FER: variants seen among roughly 807,000 people sequenced by gnomAD.
FER encodes FER tyrosine kinase, also known as tyrosine-protein kinase Fer.
FER carries 63 observed loss-of-function variants against 111.0 expected under a neutral mutation model. That is an observed-to-expected ratio of 0.57 (90% CI 0.46 to 0.70). The LOEUF (loss-of-function observed/expected upper bound fraction) is 0.70, where lower values mean the gene tolerates loss of function less well. Ranked by LOEUF, FER falls within the 30% of genes least tolerant of loss-of-function variation. The pLI is 0.00. For synonymous variants in FER, 327 were observed against 313.9 expected (o/e 1.04, Z -0.44); for missense variants, 914 against 954.0 (o/e 0.96, Z 0.55).
intron 7 of FER, 94 bp downstream of exon 7, chr5:108,871,596 GATCTTATTAAGACATAGAA>G: frequency 1.1e-6 from 1 of 897,578 alleles, no homozygotes; most frequent in Non-Finnish European, 1.6e-6. Context: ...AAATACTTAA[GATCTTATTAAGACATAGAA>G]TATTTCATAT....
chr5:109,135,224 T>C (rs1466247304), intron 17 of FER, among the ~76,000 whole-genome samples: 2 of 152,240 alleles, frequency 1.3e-5, no homozygotes, highest in Non-Finnish European at 2.9e-5. Flanking sequence ...CAGCATTTAC[T>C]GTACCACACA....
chr5:109,077,175 T>G (rs1261183242), intron 16 of FER, among the ~76,000 whole-genome samples: 1 of 152,122 alleles, frequency 6.6e-6, no homozygotes, highest in Non-Finnish European at 1.5e-5. Context: ...AAATGAAAAA[T>G]GTTGAGGCAC....
intron 1 of FER, among the ~76,000 whole-genome samples, chr5:108,760,295 C>T (rs1751586483): frequency 6.6e-6 from 1 of 151,726 alleles, no homozygotes; most frequent in African/African-American, 2.4e-5. Flanking sequence ...GATTTAGTAT[C>T]ATTCTTATGG....
At chr5:108,947,750 A>G (rs1209542053) in intron 11 of FER, among the ~76,000 whole-genome samples, 1 of 151,812 alleles carries the variant, frequency 6.6e-6, no homozygotes, top group African/African-American at 2.4e-5. Flanking sequence ...AAATCGTCTA[A>G]TCCAAGATTA....
intron 16 of FER, among the ~76,000 whole-genome samples, chr5:109,086,027 G>A (rs1228859561): frequency 6.6e-6 from 1 of 151,592 alleles, no homozygotes; most frequent in Non-Finnish European, 1.5e-5. Flanking sequence ...TAAGGTTTTA[G>A]TATCAAGGTT....
chr5:108,898,428 C>G (rs1283236431), intron 10 of FER, among the ~76,000 whole-genome samples: 1 of 151,416 alleles, frequency 6.6e-6, no homozygotes, highest in Non-Finnish European at 1.5e-5. Context: ...CTTTCCACTC[C>G]TCTCCTTTCT....
chr5:109,005,678 G>A (rs911306224), intron 13 of FER, among the ~76,000 whole-genome samples: 23 of 152,210 alleles, frequency 1.5e-4, no homozygotes, highest in African/African-American at 5.1e-4. Context: ...GGTAACACTT[G>A]TTTTAGATAC....
intron 16 of FER, 70 bp downstream of exon 16, chr5:109,047,268 T>A (rs1772118996): frequency 1.1e-6 from 1 of 873,126 alleles, no homozygotes; most frequent in African/African-American, 1.7e-5. Flanking sequence ...ATATGTTCGA[T>A]CTCTTTGATT....
intron 5 of FER, among the ~76,000 whole-genome samples, chr5:108,862,626 AG>A (rs1264628341): frequency 1.3e-5 from 2 of 152,242 alleles, no homozygotes; most frequent in Non-Finnish European, 2.9e-5. Flanking sequence ...GACAGTAAAA[AG>A]TAACATCTTA....
At chr5:108,844,352 T>C (rs1220251111) in intron 5 of FER, among the ~76,000 whole-genome samples, 1 of 152,188 alleles carries the variant, frequency 6.6e-6, no homozygotes, top group Non-Finnish European at 1.5e-5. Flanking sequence ...TAATCTGTTT[T>C]CAAATTCATT....
intron 10 of FER, among the ~76,000 whole-genome samples, chr5:108,920,269 A>G (rs948300770): frequency 7.9e-5 from 12 of 152,132 alleles, no homozygotes; most frequent in African/African-American, 2.9e-4. Flanking sequence ...ACCAAAAGTT[A>G]TCACCCTGCA....
intron 10 of FER, among the ~76,000 whole-genome samples, chr5:108,911,179 G>A (rs1301762453): frequency 1.3e-5 from 2 of 152,110 alleles, no homozygotes; most frequent in East Asian, 3.9e-4. Flanking sequence ...GACGTAAAAT[G>A]ATATCTCATT....
At chr5:108,753,601 T>C (rs2149906934) in intron 1 of FER, among the ~76,000 whole-genome samples, 1 of 152,346 alleles carries the variant, frequency 6.6e-6, no homozygotes, top group South Asian at 2.1e-4. Flanking sequence ...CGCAAACACA[T>C]TTTCTCAATC....
intron 16 of FER, among the ~76,000 whole-genome samples, chr5:109,092,957 CATAG>C (rs1561885102): frequency 6.6e-6 from 1 of 152,096 alleles, no homozygotes; most frequent in African/African-American, 2.4e-5. Context: ...AATGCTACAA[CATAG>C]ATAAACCTTG....
intron 3 of FER, among the ~76,000 whole-genome samples, chr5:108,806,431 G>T (rs2150065813): frequency 6.6e-6 from 1 of 152,304 alleles, no homozygotes; most frequent in Non-Finnish European, 1.5e-5. Flanking sequence ...GTGAGAAGAG[G>T]GCTACCGTCC....
At chr5:108,906,147 G>C (rs1750730639) in intron 10 of FER, among the ~76,000 whole-genome samples, 1 of 152,150 alleles carries the variant, frequency 6.6e-6, no homozygotes, top group African/African-American at 2.4e-5. Flanking sequence ...TGGGTTTGTT[G>C]CAGGAATAGT....
chr5:108,921,335 GGTAT>G (rs1001888237), intron 10 of FER, among the ~76,000 whole-genome samples: 20 of 152,000 alleles, frequency 1.3e-4, no homozygotes, highest in Admixed American at 8.5e-4. Flanking sequence ...ATTTGATTAT[GGTAT>G]GTATGTATGT....
At chr5:108,938,140 A>C (rs1174412615) in intron 10 of FER, among the ~76,000 whole-genome samples, 2 of 151,596 alleles carry the variant, frequency 1.3e-5, no homozygotes, top group Admixed American at 6.6e-5. Context: ...TCAGAGATCC[A>C]TTAGGTTCTT....
At chr5:108,837,436 C>G (rs888752540) in intron 5 of FER, among the ~76,000 whole-genome samples, 2 of 152,160 alleles carry the variant, frequency 1.3e-5, no homozygotes, top group Non-Finnish European at 2.9e-5. Context: ...AACATTACTT[C>G]TTAATCTGTC....
Sources: gnomAD v4.1 joint callset for allele counts (sites outside exome capture counted in the v4.1 genomes callset) on GRCh38, gnomAD v4.1.1 for gene constraint, MANE v1.5 for transcripts, NCBI Gene and HGNC (gene_info 2026-07-23, HGNC 2026-07-21) for gene names.